The following TSGA10 variants were observed in gnomAD, a reference collection of about 807,000 sequenced individuals.
TSGA10 encodes the protein testis-specific gene 10 protein.
TSGA10 carries 43 observed loss-of-function variants against 96.6 expected under a neutral mutation model. The ratio of observed to expected loss-of-function variants is 0.44; its 90% confidence interval spans 0.35 to 0.57. TSGA10 has a LOEUF of 0.57. Ranked by LOEUF, TSGA10 falls within the 20% of genes least tolerant of loss-of-function variation. TSGA10 has a pLI of 0.01. For synonymous variants in TSGA10, 229 were observed against 269.9 expected (o/e 0.85, Z 1.48); for missense variants, 703 against 834.4 (o/e 0.84, Z 1.94).
At chr2:99,085,881 T>C (rs1394757540) in intron 10 of TSGA10, among the ~76,000 whole-genome samples, 1 of 152,140 alleles carries the variant, frequency 6.6e-6, no homozygotes, top group Non-Finnish European at 1.5e-5. Context: ...GAAATAAATG[T>C]AGAAGACTTA....
chr2:99,059,596 G>A (rs1301102973), intron 16 of TSGA10, among the ~76,000 whole-genome samples: 3 of 151,870 alleles, frequency 2.0e-5, no homozygotes, highest in African/African-American at 4.8e-5. Context: ...CCGAGATCAC[G>A]CCACTGCACA....
At chr2:99,048,468 C>A (rs1365356088) in intron 16 of TSGA10, among the ~76,000 whole-genome samples, 3 of 152,088 alleles carry the variant, frequency 2.0e-5, no homozygotes, top group African/African-American at 7.2e-5. Flanking sequence ...CTGACAAAAA[C>A]AAGAAATGGG....
At chr2:99,042,028 T>C (rs370303271) in intron 16 of TSGA10, among the ~76,000 whole-genome samples, 4 of 144,838 alleles carry the variant, frequency 2.8e-5, no homozygotes, top group African/African-American at 1.1e-4. Context: ...GAATAGACAA[T>C]TGCCCCCCCA....
chr2:99,098,178 C>T (rs1388415641), intron 10 of TSGA10, among the ~76,000 whole-genome samples: 1 of 151,976 alleles, frequency 6.6e-6, no homozygotes, highest in Non-Finnish European at 1.5e-5. Context: ...TGGCTCACAC[C>T]TGTAATCCCA....
intron 20 of TSGA10, among the ~76,000 whole-genome samples, chr2:99,000,287 C>T (rs1427126458): frequency 6.6e-6 from 1 of 151,334 alleles, no homozygotes; most frequent in Non-Finnish European, 1.5e-5. Context: ...GCAGGTGGAT[C>T]ACCTGAGGTC....
At chr2:99,104,239 G>T in intron 9 of TSGA10, 121 bp from the exon 10 acceptor site, 1 of 1,127,150 alleles carries the variant, frequency 8.9e-7, no homozygotes, top group South Asian at 1.6e-5. Context: ...GAGATTATCA[G>T]GTTAGACCTG....
rs2090821453 is a variant in TSGA10 at position 99,102,072 on chromosome 2, A to G, written c.611+1895T>C. On this transcript the variant is annotated intron_variant, in intron 10 of 20. Coordinates refer to ENST00000393483, the MANE Select transcript of TSGA10 (RefSeq NM_025244.4). The stretch of plus-strand genomic sequence containing the variant: ...CAAAAAGGCTTTGGATCAGTTTGTA[A>G]ATTTCTCTGAGCAGAAAGAAAAGTT... 7 of 1,486,722 alleles carry G rather than the reference A, an allele frequency of 4.7e-6. No individual in the cohort carries two copies. In the South Asian group the frequency reaches 5.7e-5, roughly 12 times the overall value. 92.1% of individuals were successfully genotyped at this position (1,486,722 alleles called of 1,614,324 possible).
chr2:99,141,080 T>C (rs1369493347), intron 1 of TSGA10: 16 of 1,282,558 alleles, frequency 1.2e-5, no homozygotes, highest in Admixed American at 7.0e-5. Context: ...CCGCAGCTTC[T>C]ACCTGGAGCT....
At chr2:99,031,638 CCA>C (rs2081140417) in intron 17 of TSGA10, among the ~76,000 whole-genome samples, 1 of 152,182 alleles carries the variant, frequency 6.6e-6, no homozygotes, top group Admixed American at 6.5e-5. Context: ...AACCCCTGGG[CCA>C]CAGACTGCTA....
intron 14 of TSGA10, 42 bp downstream of exon 14, chr2:99,071,664 A>G (rs75123748): frequency 0.03 from 45,739 of 1,533,694 alleles, 1,929 homozygotes; most frequent in East Asian, 0.23. Flanking sequence ...AGAAATTCAT[A>G]TTTTTTTTTC....
intron 10 of TSGA10, among the ~76,000 whole-genome samples, chr2:99,095,718 G>T (rs567384054): frequency 6.6e-6 from 1 of 152,308 alleles, no homozygotes; most frequent in East Asian, 1.9e-4. Context: ...TCGGCTCACT[G>T]CAACTTCTGA....
intron 20 of TSGA10, among the ~76,000 whole-genome samples, chr2:99,003,378 T>A (rs577464441): frequency 1.3e-5 from 2 of 152,262 alleles, no homozygotes; most frequent in South Asian, 4.1e-4. Flanking sequence ...ACTGTCAACA[T>A]TAGACAGATC....
chr2:99,046,773 T>C (rs530453761), intron 16 of TSGA10, among the ~76,000 whole-genome samples: 20 of 152,166 alleles, frequency 1.3e-4, no homozygotes, highest in African/African-American at 4.6e-4. Flanking sequence ...AAAAAATCAA[T>C]GAATCCAGGA....
chr2:99,044,934 G>A (rs766153596), intron 16 of TSGA10, among the ~76,000 whole-genome samples: 1 of 151,908 alleles, frequency 6.6e-6, no homozygotes, highest in African/African-American at 2.4e-5. Context: ...ATGACTACTG[G>A]GTACATAACA....
chr2:99,144,148 G>A (rs1395028438), intron 1 of TSGA10, among the ~76,000 whole-genome samples: 1 of 152,094 alleles, frequency 6.6e-6, no homozygotes, highest in East Asian at 1.9e-4. Context: ...AGCCTCCCGA[G>A]CAGCTGGGAC....
In TSGA10 at chr2:99,071,801, C is replaced by T. The variant is rs199984312; in HGVS notation, c.1012G>A (p.Asp338Asn). 2 of 1,614,034 alleles carry T rather than the reference C, an allele frequency of 1.2e-6. No homozygotes were observed. Among genetic ancestry groups the T allele is most frequent in the East Asian group, 2.2e-5 (1 of 44,872 alleles). ...RMRRQLDETN[D>N]ELAQIARERD... ...TCCCTGGCGATCTGGGCCAGCTCAT[C>T]ATTTGTCTCATCCAATTGCCGACGC... is the stretch of plus-strand genomic sequence containing the variant. The change falls in exon 14 of 21, where the codon GAT becomes AAT. Residue 338 changes from aspartate (D) to asparagine (N), a missense_variant. Asp to Asn is a conservative substitution (Grantham distance 23). Coordinates refer to ENST00000393483, the MANE Select transcript of TSGA10 (RefSeq NM_025244.4).
At chr2:98,998,444 T>C (rs997595471) in intron 20 of TSGA10, among the ~76,000 whole-genome samples, 1 of 152,198 alleles carries the variant, frequency 6.6e-6, no homozygotes, top group Non-Finnish European at 1.5e-5. Context: ...GAACTATTGA[T>C]ACTTACAGCA....
chr2:99,069,634 A>AAAATAAAT (rs1217374143), intron 14 of TSGA10, among the ~76,000 whole-genome samples: 2 of 90,386 alleles, frequency 2.2e-5, no homozygotes, highest in African/African-American at 1.4e-4. Context: ...ACCCAACTCT[A>AAAATAAAT]CAATAAATAA....
chr2:99,018,638 G>A lies in TSGA10; in HGVS notation c.1820C>T (p.Ala607Val). 1 of 1,609,900 alleles carries A rather than the reference G, an allele frequency of 6.2e-7. No individual in the cohort carries two copies. Among genetic ancestry groups the A allele is most frequent in the Non-Finnish European group, 8.5e-7 (1 of 1,178,676 alleles). The change falls in exon 19 of 21, where the codon GCC (alanine) becomes GTC (valine). Residue 607 changes from alanine (A) to valine (V), a missense_variant and splice_region_variant. Ala to Val is a moderately conservative substitution (Grantham distance 64). Around this residue, in one of 3 missense-constraint regions of TSGA10, gnomAD observed 49 missense variants for 96.4 expected, o/e 0.51. Coordinates refer to ENST00000393483, the MANE Select transcript of TSGA10 (RefSeq NM_025244.4). Reference sequence around the variant, plus strand: ...CTGGGCCACATCTCTACTCTGGATGGCCCTGTTTAAAAGAAGATAAGAGTT... The same window carrying A: ...CTGGGCCACATCTCTACTCTGGATGACCCTGTTTAAAAGAAGATAAGAGTT... ...EHLCLAENKMAIQSRDVAQFR... is the reference protein window; with the variant it reads ...EHLCLAENKMVIQSRDVAQFR...
Sources: gnomAD v4.1 joint callset for allele counts (sites outside exome capture counted in the v4.1 genomes callset) on GRCh38, gnomAD v4.1.1 for gene constraint, gnomAD v4.1.1 regional missense constraint, MANE v1.5 for transcripts, NCBI Gene and HGNC (gene_info 2026-07-23, HGNC 2026-07-21) for gene names.